The following NRXN3 variants were observed in gnomAD, a reference collection of about 807,000 sequenced individuals.
NRXN3 encodes the protein neurexin III.
A neutral mutation model predicts 137.6 loss-of-function variants in NRXN3; 32 were observed. That is an observed-to-expected ratio of 0.23 (90% confidence interval 0.18 to 0.31). The LOEUF is 0.31. Ranked by LOEUF, NRXN3 falls within the 10% of genes least tolerant of loss-of-function variation. The pLI, the probability that NRXN3 is intolerant of heterozygous loss-of-function variation, is 1.00. For missense variants in NRXN3, 1,574 were observed against 2,062.5 expected, an observed-to-expected ratio of 0.76 and a Z score of 4.59; for synonymous variants, 798 against 784.5, an observed-to-expected ratio of 1.02 and a Z score of -0.29.
intron 16 of NRXN3, among the ~76,000 whole-genome samples, chr14:79,625,167 T>C: frequency 6.6e-6 from 1 of 152,194 alleles, no homozygotes; most frequent in Non-Finnish European, 1.5e-5. Flanking sequence ...CCAATCATGT[T>C]GTTGCAAATG....
intron 16 of NRXN3, among the ~76,000 whole-genome samples, chr14:79,547,229 G>A (rs1421726999): frequency 2.0e-5 from 3 of 152,074 alleles, no homozygotes; most frequent in Admixed American, 1.3e-4. Context: ...ACTTATAATT[G>A]TATCCTGCAG....
rs756589243 is a variant in NRXN3 at position 78,968,331 on chromosome 14, G to A, written c.3127G>A (p.Glu1043Lys). ...NDALHRSGQI[E>K]RGCEGPSTTC... is the part of the protein sequence containing the mutation. ...TGCTCTTCATCGGAGCGGACAGATC[G>A]AGCGTGGCTGTGAAGGTACAACCTA... Residue 1043 changes from glutamate (E) to lysine (K), a missense_variant, in exon 14 of 21, where the codon GAG (glutamate) becomes AAG (lysine). Glu to Lys is a moderately conservative substitution (Grantham distance 56, BLOSUM62 1). Coordinates refer to ENST00000335750, the MANE Select transcript of NRXN3 (RefSeq NM_001330195.2). The A allele has an allele frequency of 1.4e-5, 23 of 1,613,352 alleles. No homozygotes were observed. The highest frequency in any genetic ancestry group is 1.9e-5 in the Non-Finnish European group (23 of 1,179,616).
At chr14:78,864,506 TC>T (rs2152541220) in intron 10 of NRXN3, among the ~76,000 whole-genome samples, 1 of 152,256 alleles carries the variant, frequency 6.6e-6, no homozygotes, top group South Asian at 2.1e-4. Context: ...TTTCGGTGCT[TC>T]ACCTCTCCAT....
At chr14:78,987,651 A>G (rs2099509715) in intron 14 of NRXN3, among the ~76,000 whole-genome samples, 1 of 151,866 alleles carries the variant, frequency 6.6e-6, no homozygotes, top group Non-Finnish European at 1.5e-5. Context: ...TATAAGAATC[A>G]TGGGAATGAT....
chr14:79,406,749 T>A (rs544982216), intron 15 of NRXN3, among the ~76,000 whole-genome samples: 9 of 152,272 alleles, frequency 5.9e-5, no homozygotes, highest in Admixed American at 2.6e-4. Flanking sequence ...CTTAGTAGTT[T>A]TGATGAGGTA....
intron 15 of NRXN3, among the ~76,000 whole-genome samples, chr14:79,000,711 C>A (rs1040654713): frequency 1.3e-5 from 2 of 151,960 alleles, no homozygotes; most frequent in Non-Finnish European, 2.9e-5. Flanking sequence ...GTGGAGGTTG[C>A]GGGAGGTGAG....
intron 15 of NRXN3, among the ~76,000 whole-genome samples, chr14:79,370,067 C>A (rs1467616143): frequency 6.6e-6 from 1 of 152,132 alleles, no homozygotes; most frequent in African/African-American, 2.4e-5. Context: ...ACAGAAAAGA[C>A]AAACATGAAG....
chr14:78,597,870 C>A (rs747558742), intron 4 of NRXN3, among the ~76,000 whole-genome samples: 29 of 152,164 alleles, frequency 1.9e-4, no homozygotes, highest in Non-Finnish European at 3.8e-4. Context: ...GTGATGACCA[C>A]GGCTAGTTGA....
chr14:79,327,877 A>T (rs542136543), intron 15 of NRXN3, among the ~76,000 whole-genome samples: 4 of 152,222 alleles, frequency 2.6e-5, no homozygotes, highest in Non-Finnish European at 5.9e-5. Context: ...TGATGTACAG[A>T]TAAGAAAAGC....
chr14:78,562,396 CAAAAA>C (rs752464669), intron 4 of NRXN3, among the ~76,000 whole-genome samples: 1 of 49,468 alleles, frequency 2.0e-5, no homozygotes, highest in African/African-American at 6.6e-5. Flanking sequence ...ACTTATATCT[CAAAAA>C]AAAAAAAAAA....
At position 78,753,719 on chromosome 14, in the gene NRXN3, C is replaced by T. The variant is rs1320748172; in HGVS notation, c.2044+38580C>T. On this transcript the variant is annotated intron_variant, in intron 8 of 20. Transcript: ENST00000335750. ...AATGGAAGCTTAGAGCAGTGGGTAACTTACCCAGGTTGAAATTGGCAGAGC... is the reference window on the plus strand; with the variant it reads ...AATGGAAGCTTAGAGCAGTGGGTAATTTACCCAGGTTGAAATTGGCAGAGC... The T allele has an allele frequency of 2.6e-5, 4 of 152,212 alleles. No homozygotes were observed. In the East Asian group the frequency reaches 7.7e-4, roughly 29 times the overall value. The allele number at this position is 152,212 out of a possible 1,614,324, so 9.4% of individuals were successfully genotyped here.
intron 4 of NRXN3, among the ~76,000 whole-genome samples, chr14:78,618,065 C>G (rs2097364046): frequency 6.6e-6 from 1 of 152,020 alleles, no homozygotes; most frequent in Non-Finnish European, 1.5e-5. Context: ...TCTTCTCTGT[C>G]TACTGTTTTA....
intron 10 of NRXN3, among the ~76,000 whole-genome samples, chr14:78,835,408 T>C (rs2098993858): frequency 6.6e-6 from 1 of 152,156 alleles, no homozygotes; most frequent in East Asian, 1.9e-4. Flanking sequence ...TTGGAAGCGA[T>C]AGGTTTGGGG....
At chr14:79,077,077 T>G (rs2046099149) in intron 15 of NRXN3, among the ~76,000 whole-genome samples, 1 of 152,204 alleles carries the variant, frequency 6.6e-6, no homozygotes, top group South Asian at 2.1e-4. Context: ...GGAATGGATT[T>G]AAGTCTGAAA....
chr14:78,883,584 T>A (rs1015448959), intron 10 of NRXN3, among the ~76,000 whole-genome samples: 7 of 152,252 alleles, frequency 4.6e-5, no homozygotes, highest in South Asian at 2.1e-4. Context: ...GAGTGAGGAA[T>A]AATTTCCTCT....
intron 1 of NRXN3, among the ~76,000 whole-genome samples, chr14:78,171,645 TC>T (rs1231430251): frequency 6.6e-6 from 1 of 151,594 alleles, no homozygotes; most frequent in African/African-American, 2.4e-5. Flanking sequence ...AAAAAATGTG[TC>T]CCCCCACCCC....
At chr14:78,904,935 A>G (rs562855121) in intron 10 of NRXN3, among the ~76,000 whole-genome samples, 5 of 151,932 alleles carry the variant, frequency 3.3e-5, no homozygotes, top group Non-Finnish European at 7.4e-5. Flanking sequence ...TACTGTAATC[A>G]TGTTCCAGCT....
At chr14:78,952,879 G>C (rs1009179846) in intron 10 of NRXN3, among the ~76,000 whole-genome samples, 2 of 152,032 alleles carry the variant, frequency 1.3e-5, no homozygotes, top group Non-Finnish European at 2.9e-5. Context: ...CCAAGCAAAA[G>C]TTTCCAATGG....
chr14:79,064,727 ATATATG>A (rs199642989), intron 15 of NRXN3, among the ~76,000 whole-genome samples: 1,235 of 64,792 alleles, frequency 0.019, 21 homozygotes, highest in African/African-American at 0.048. Flanking sequence ...AATTACCCAT[ATATATG>A]TATATGTATA....
Sources: allele counts gnomAD v4.1 joint callset (sites outside exome capture counted in the v4.1 genomes callset), GRCh38; gene constraint gnomAD v4.1.1; transcripts MANE v1.5; gene names NCBI Gene and HGNC (gene_info 2026-07-23, HGNC 2026-07-21).